Variants in GPC5 observed in about 807,000 individuals in gnomAD.
GPC5 encodes the protein glypican-5.
In GPC5, 47 loss-of-function variants were observed where a neutral mutation model predicts 53.9. That is an observed-to-expected ratio of 0.87 (90% CI 0.69 to 1.11). The LOEUF (loss-of-function observed/expected upper bound fraction) is 1.11. Among genes scored for constraint, GPC5 ranks in the 50% most tolerant of loss-of-function variants. The pLI is 0.00. For synonymous variants in GPC5, 286 were observed against 263.3 expected (o/e 1.09, Z -0.84); for missense variants, 748 against 713.1 (o/e 1.05, Z -0.56).
intron 7 of GPC5, among the ~76,000 whole-genome samples, chr13:92,527,241 GA>G (rs1251969435): frequency 2.7e-5 from 1 of 36,584 alleles, no homozygotes; most frequent in African/African-American, 1.3e-4. Flanking sequence ...AAGAAAGAAA[GA>G]AAGAAAGAGA....
At chr13:92,833,882 A>T (rs1057076035) in intron 7 of GPC5, among the ~76,000 whole-genome samples, 31 of 152,188 alleles carry the variant, frequency 2.0e-4, no homozygotes, top group Admixed American at 1.6e-3. Context: ...CGTTAGAGAG[A>T]GAGGCAGGAA....
At chr13:91,471,105 A>G (rs915924977) in intron 2 of GPC5, among the ~76,000 whole-genome samples, 1 of 152,192 alleles carries the variant, frequency 6.6e-6, no homozygotes, top group South Asian at 2.1e-4. Context: ...GGTGCCGGTT[A>G]TGGAGTGTTG....
chr13:91,403,470 T>C (rs1309391724), intron 1 of GPC5, among the ~76,000 whole-genome samples: 1 of 152,028 alleles, frequency 6.6e-6, no homozygotes, highest in Non-Finnish European at 1.5e-5. Flanking sequence ...AAGATTAAGG[T>C]GGGGTAGTTG....
chr13:92,835,742 T>A (rs1387430194), intron 7 of GPC5, among the ~76,000 whole-genome samples: 2 of 152,028 alleles, frequency 1.3e-5, no homozygotes, highest in East Asian at 3.8e-4. Context: ...ACATATATTT[T>A]AAAATATATA....
At chr13:92,315,106 G>T (rs2043170323) in intron 7 of GPC5, among the ~76,000 whole-genome samples, 1 of 152,080 alleles carries the variant, frequency 6.6e-6, no homozygotes, top group African/African-American at 2.4e-5. Context: ...GAGAGAAATT[G>T]TTTTAACTTC....
intron 2 of GPC5, among the ~76,000 whole-genome samples, chr13:91,542,082 C>T (rs1042349919): frequency 1.3e-5 from 2 of 151,116 alleles, no homozygotes; most frequent in Non-Finnish European, 2.9e-5. Context: ...TTAAATTGCT[C>T]GTATTAAACT....
intron 6 of GPC5, among the ~76,000 whole-genome samples, chr13:92,131,766 C>T (rs2041745507): frequency 6.6e-6 from 1 of 151,636 alleles, no homozygotes; most frequent in Non-Finnish European, 1.5e-5. Flanking sequence ...TAAGTTTTTC[C>T]ATGTATATGA....
intron 7 of GPC5, among the ~76,000 whole-genome samples, chr13:92,420,377 T>TA (rs1482850641): frequency 6.6e-6 from 1 of 152,162 alleles, no homozygotes; most frequent in Non-Finnish European, 1.5e-5. Context: ...TGTGGATACA[T>TA]AGTAGGTGTA....
chr13:92,152,527 G>A (rs1264288828), intron 7 of GPC5, among the ~76,000 whole-genome samples: 4 of 152,026 alleles, frequency 2.6e-5, no homozygotes, highest in South Asian at 4.2e-4. Context: ...AGTAATAAAG[G>A]AATGTTTGAT....
intron 7 of GPC5, among the ~76,000 whole-genome samples, chr13:92,648,851 AATTGCTC>A (rs1235646054): frequency 1.3e-5 from 2 of 152,102 alleles, no homozygotes; most frequent in African/African-American, 4.8e-5. Context: ...AGTGGCTCCC[AATTGCTC>A]ATTAGACGTA....
intron 4 of GPC5, among the ~76,000 whole-genome samples, chr13:91,742,701 A>G (rs1377173148): frequency 6.6e-6 from 1 of 152,158 alleles, no homozygotes; most frequent in South Asian, 2.1e-4. Flanking sequence ...CAGTGGCTGC[A>G]ATTGGAACTC....
intron 7 of GPC5, among the ~76,000 whole-genome samples, chr13:92,769,639 A>AATTTATTCATGGTATTTCACT (rs1875537230): frequency 6.6e-6 from 1 of 152,226 alleles, no homozygotes; most frequent in Non-Finnish European, 1.5e-5. Flanking sequence ...GCAATGAATG[A>AATTTATTCATGGTATTTCACT]TAAACACAAC....
At chr13:91,503,814 A>ATCATC (rs1566457715) in intron 2 of GPC5, among the ~76,000 whole-genome samples, 1 of 138,724 alleles carries the variant, frequency 7.2e-6, no homozygotes, top group African/African-American at 3.1e-5. Context: ...TAATAATAAT[A>ATCATC]ATAATCAGGC....
chr13:92,769,159 T>A (rs1041152143), intron 7 of GPC5, among the ~76,000 whole-genome samples: 2 of 152,172 alleles, frequency 1.3e-5, no homozygotes, highest in Admixed American at 1.3e-4. Context: ...TATGTGAATA[T>A]TGTATTAATT....
intron 7 of GPC5, among the ~76,000 whole-genome samples, chr13:92,327,043 A>G (rs971397488): frequency 6.6e-6 from 1 of 152,076 alleles, no homozygotes; most frequent in Non-Finnish European, 1.5e-5. Flanking sequence ...TTTGTTCACT[A>G]CATCCTGAGA....
At chr13:91,826,990 TAGAC>T (rs2038586357) in intron 5 of GPC5, among the ~76,000 whole-genome samples, 1 of 151,910 alleles carries the variant, frequency 6.6e-6, no homozygotes. Flanking sequence ...AAAACGTAGT[TAGAC>T]AAAGTAAGAT....
intron 2 of GPC5, among the ~76,000 whole-genome samples, chr13:91,459,023 C>G (rs922885799): frequency 6.6e-6 from 1 of 151,522 alleles, no homozygotes; most frequent in African/African-American, 2.4e-5. Context: ...GATGCAAAGA[C>G]ATAAGAATGA....
chr13:91,840,189 A>T lies in GPC5; in HGVS notation c.1281-67748A>T, dbSNP rs376051473. Among the ~76,000 whole-genome samples the T allele has an allele frequency of 3.3e-5, 5 of 152,072 alleles. No individual in the cohort carries two copies. In the South Asian group the frequency reaches 1.0e-3, roughly 31 times the overall value. ...TTTCTACTTTTTTCAATGAAATATTATATTTTTTATTATCACCATACTTAC... is the reference window on the plus strand; with the variant it reads ...TTTCTACTTTTTTCAATGAAATATTTTATTTTTTATTATCACCATACTTAC... On this transcript the variant is annotated intron_variant, in intron 5 of 7. Transcript: ENST00000377067.
At chr13:91,656,999 C>T (rs2034861070) in intron 2 of GPC5, among the ~76,000 whole-genome samples, 1 of 152,146 alleles carries the variant, frequency 6.6e-6, no homozygotes, top group South Asian at 2.1e-4. Context: ...CCAGGCTCTA[C>T]TTCTTATTGG....
Sources: gnomAD v4.1 joint callset for allele counts (sites outside exome capture counted in the v4.1 genomes callset) on GRCh38, gnomAD v4.1.1 for gene constraint, MANE v1.5 for transcripts, NCBI Gene and HGNC (gene_info 2026-07-23, HGNC 2026-07-21) for gene names.